RXRA: variants seen among roughly 807,000 people sequenced by gnomAD.
RXRA encodes the protein retinoid X receptor alpha, also known as retinoic acid receptor RXR-alpha.
RXRA carries 5 observed loss-of-function variants against 44.5 expected under a neutral mutation model. The ratio of observed to expected loss-of-function variants is 0.11; its 90% confidence interval spans 0.06 to 0.24. The LOEUF is 0.24. Ranked by LOEUF, RXRA falls within the 10% of genes least tolerant of loss-of-function variation. The pLI is 1.00. For missense variants in RXRA, 412 were observed against 646.5 expected, an observed-to-expected ratio of 0.64 and a Z score of 3.93; for synonymous variants, 291 against 271.4, an observed-to-expected ratio of 1.07 and a Z score of -0.71.
intron 1 of RXRA, among the ~76,000 whole-genome samples, chr9:134,332,693 G>C (rs1321092252): frequency 6.6e-6 from 1 of 152,196 alleles, no homozygotes; most frequent in Non-Finnish European, 1.5e-5. Flanking sequence ...TGGGTGCCCG[G>C]AGACTGGGGG....
intron 1 of RXRA, among the ~76,000 whole-genome samples, chr9:134,355,114 G>A (rs1830267481): frequency 6.6e-6 from 1 of 152,242 alleles, no homozygotes; most frequent in South Asian, 2.1e-4. Context: ...TTGGCTTTTG[G>A]GGTTCAAGGT....
rs1348742222 is a variant in RXRA, at chr9:134,422,353, C to T, written c.910+548C>T. 7.1e-6 allele frequency: 9 copies of T among 1,274,568 alleles called. No individual in the cohort carries two copies. In the African/African-American group the frequency reaches 1.2e-4, roughly 18 times the overall value. The allele number at this position is 1,274,568 out of a possible 1,614,324, so 79.0% of individuals were successfully genotyped here. ...CCTGGGACACTACCCCCTCCCGGGA[C>T]ACACTCCCCGCTACCGGGACACTCC... On this transcript the variant is annotated intron_variant, in intron 6 of 9. Transcript: ENST00000481739.
rs1451431133 is a variant in RXRA, at chr9:134,433,393, C to T, written c.1136-709C>T. Among the ~76,000 whole-genome samples, 1 of 152,076 alleles carries T rather than the reference C, an allele frequency of 6.6e-6. No individual in the cohort carries two copies. The highest frequency in any genetic ancestry group is 1.5e-5 in the Non-Finnish European group (1 of 68,008). ...CAGGCTTGCAGGGAAAGCGAAGAGA[C>T]CAGGGCACAGGCATGCAGGGAGGGC... On this transcript the variant is annotated intron_variant, in intron 8 of 9. Coordinates refer to ENST00000481739, the MANE Select transcript of RXRA (RefSeq NM_002957.6). This position sits in a 1 kb window ranked among gnomAD's most constrained non-coding sequence, Gnocchi z 4.2.
intron 5 of RXRA, among the ~76,000 whole-genome samples, chr9:134,418,648 C>T (rs973708135): frequency 3.0e-4 from 46 of 152,176 alleles, no homozygotes; most frequent in African/African-American, 1.0e-3. Context: ...TTCATCTGTG[C>T]CCCTGCCAGG....
chr9:134,333,192 A>G (rs1170246274), intron 1 of RXRA, among the ~76,000 whole-genome samples: 1 of 152,122 alleles, frequency 6.6e-6, no homozygotes, highest in African/African-American at 2.4e-5. Flanking sequence ...AGAGCCTCTC[A>G]GGGTCTCTGT....
Position 134,343,653 on chromosome 9 carries a change from C to T in RXRA, c.28+16994C>T, listed in dbSNP as rs1215013706. 6.6e-6 allele frequency among the ~76,000 whole-genome samples: 1 copy of T among 152,114 alleles called. No homozygotes were observed. The highest frequency in any genetic ancestry group is 1.5e-5 in the Non-Finnish European group (1 of 68,006). ...GGGGTCACGTCCCCTGCCCTGTCCC[C>T]ATCTTGCTCAGTGGCCAGAGGAGAG... is the stretch of plus-strand genomic sequence containing the variant. On this transcript the variant is annotated intron_variant, in intron 1 of 9. Coordinates refer to ENST00000481739, the MANE Select transcript of RXRA (RefSeq NM_002957.6). This position sits in a 1 kb window ranked among gnomAD's most constrained non-coding sequence, Gnocchi z 4.1.
intron 1 of RXRA, among the ~76,000 whole-genome samples, chr9:134,398,444 C>T (rs533706988): frequency 1.3e-5 from 2 of 152,206 alleles, no homozygotes; most frequent in South Asian, 4.1e-4. Flanking sequence ...TGTCCTCTTC[C>T]TGGCCAAAAA....
chr9:134,341,229 C>A (rs528832260), intron 1 of RXRA, among the ~76,000 whole-genome samples: 187 of 152,310 alleles, frequency 1.2e-3, no homozygotes, highest in Admixed American at 4.8e-3. Flanking sequence ...GATGAGGAGG[C>A]CGAGCTACAG....
chr9:134,352,626 G>C (rs1830235344), intron 1 of RXRA, among the ~76,000 whole-genome samples: 1 of 152,200 alleles, frequency 6.6e-6, no homozygotes, highest in African/African-American at 2.4e-5. Context: ...CCCTGGCTGA[G>C]CCCTGCAGCT....
At chr9:134,410,150 C>T (rs12337617) in intron 4 of RXRA, among the ~76,000 whole-genome samples, 15,096 of 152,284 alleles carry the variant, frequency 0.099, 2,434 homozygotes, top group African/African-American at 0.34. Context: ...TGCCAGGCGC[C>T]GTGCTCCTGG....
intron 6 of RXRA, chr9:134,425,571 G>C: frequency 1.2e-6 from 1 of 828,942 alleles, no homozygotes; most frequent in African/African-American, 1.9e-5. Flanking sequence ...GGTGAGGGGG[G>C]TGGGGGGAAT....
chr9:134,396,898 G>T (rs1262117159), intron 1 of RXRA, among the ~76,000 whole-genome samples: 1 of 152,214 alleles, frequency 6.6e-6, no homozygotes, highest in African/African-American at 2.4e-5. Context: ...GGGATGTGGG[G>T]ATTTTGAGTT....
Position 134,433,534 on chromosome 9 carries a change from G to A in RXRA, c.1136-568G>A, listed in dbSNP as rs979364562. On this transcript the variant is annotated intron_variant, in intron 8 of 9. Transcript: ENST00000481739. This position sits in a 1 kb window ranked among gnomAD's most constrained non-coding sequence, Gnocchi z 4.2. ...TCCCTGGGCCTTGGGGGCCAAGGTG[G>A]CATTCACAGGGGGTCCCTGGGCCTT... Among the ~76,000 whole-genome samples, 2 of 152,116 alleles carry A rather than the reference G, an allele frequency of 1.3e-5. No homozygotes were observed. The highest frequency in any genetic ancestry group is 4.8e-5 in the African/African-American group (2 of 41,410).
In RXRA at chr9:134,437,307, GCCA is replaced by G. The variant is rs1197227921; in HGVS notation, c.*696_*698del. 3.3e-5 allele frequency: 5 copies of G among 152,848 alleles called. No individual in the cohort carries two copies. The highest frequency in any genetic ancestry group is 5.9e-5 in the Non-Finnish European group (4 of 68,242). 9.5% of individuals were successfully genotyped at this position (152,848 alleles called of 1,614,324 possible). A position where few individuals can be genotyped will look rare whatever the true frequency, so the allele number is the denominator to read the frequency against. On this transcript the variant is annotated 3_prime_UTR_variant, in exon 10 of 10. Transcript: ENST00000481739. The stretch of plus-strand genomic sequence containing the variant: ...GCTGCCCTCTGTGCAAGGTTTCGGG[GCCA>G]CCTCCAGGCTGCAGGGGCGGGTCAC...
chr9:134,425,786 G>A (rs1485593003), intron 6 of RXRA: 5 of 985,266 alleles, frequency 5.1e-6, no homozygotes, highest in Admixed American at 6.1e-5. Flanking sequence ...CCCATCACAA[G>A]CCCCATGGGG....
Position 134,335,431 on chromosome 9 carries a change from T to C in RXRA, c.28+8772T>C, listed in dbSNP as rs546085617. ...AAGGCAGAGAGAATGGATGGATTCT[T>C]TCCAGGGGGATCTGGTTCTAGCCAA... is the stretch of plus-strand genomic sequence containing the variant. On this transcript the variant is annotated intron_variant, in intron 1 of 9. Coordinates refer to ENST00000481739, the MANE Select transcript of RXRA (RefSeq NM_002957.6). Among the ~76,000 whole-genome samples the C allele has an allele frequency of 4.6e-5, 7 of 152,302 alleles. No individual in the cohort carries two copies. The South Asian group carries it at 1.4e-3, about 32-fold the overall frequency.
intron 1 of RXRA, among the ~76,000 whole-genome samples, chr9:134,352,290 CAGGGAGGTG>C (rs1178628192): frequency 6.6e-6 from 1 of 151,974 alleles, no homozygotes; most frequent in Non-Finnish European, 1.5e-5. Flanking sequence ...GGGAGGGGAG[CAGGGAGGTG>C]GTGTCTGGCC....
At position 134,425,740 on chromosome 9, in the gene RXRA, G is replaced by T. The variant is rs536039548; in HGVS notation, c.911-3368G>T. On this transcript the variant is annotated intron_variant, in intron 6 of 9. Transcript: ENST00000481739. Reference sequence around the variant, plus strand: ...GGCCCCAGAACACAGGGTAAGCCAGGCTGGGCTCTTGTCACTGCCGCCCTG... The same window carrying T: ...GGCCCCAGAACACAGGGTAAGCCAGTCTGGGCTCTTGTCACTGCCGCCCTG... The T allele has an allele frequency of 6.1e-6, 6 of 985,350 alleles. No homozygotes were observed. In the East Asian group the frequency reaches 6.8e-4, roughly 112 times the overall value. The allele number at this position is 985,350 out of a possible 1,614,324, so 61.0% of individuals were successfully genotyped here. A position where few individuals can be genotyped will look rare whatever the true frequency, so the allele number is the denominator to read the frequency against.
intron 9 of RXRA, 102 bp downstream of exon 9, chr9:134,434,309 C>T (rs1831580412): frequency 2.5e-6 from 2 of 804,458 alleles, no homozygotes; most frequent in Non-Finnish European, 2.0e-6. Context: ...AGGTGGCACC[C>T]TCCCCAGGCC....
Sources: gnomAD v4.1 joint callset for allele counts (sites outside exome capture counted in the v4.1 genomes callset) on GRCh38, gnomAD v4.1.1 for gene constraint, Gnocchi (gnomAD v3.1) non-coding constraint, MANE v1.5 for transcripts, NCBI Gene and HGNC (gene_info 2026-07-23, HGNC 2026-07-21) for gene names.